Variants in DMD observed in about 807,000 individuals in gnomAD.
DMD encodes mutant dystrophin.
In DMD, 63 loss-of-function variants were observed where a neutral mutation model predicts 330.1. That is an observed-to-expected ratio of 0.19 (90% CI 0.16 to 0.24). The LOEUF (loss-of-function observed/expected upper bound fraction) is 0.24. Ranked by LOEUF, DMD falls within the 10% of genes least tolerant of loss-of-function variation. The pLI, the probability that DMD is intolerant of heterozygous loss-of-function variation, is 1.00. For synonymous variants in DMD, 1,223 were observed against 959.8 expected, an observed-to-expected ratio of 1.27 and a Z score of -5.07; for missense variants, 3,344 against 2,684.1, an observed-to-expected ratio of 1.25 and a Z score of -5.43.
chrX:33,317,812 A>G (rs2053954534), intron 1 of DMD, among the ~76,000 whole-genome samples: 1 of 111,696 alleles, frequency 9.0e-6, no homozygotes, highest in Admixed American at 9.5e-5. Context: ...AGAGTCAGAT[A>G]AATTTGATTA....
intron 47 of DMD, among the ~76,000 whole-genome samples, chrX:31,919,717 A>C (rs1159545877): frequency 8.9e-6 from 1 of 112,471 alleles, no homozygotes; most frequent in Non-Finnish European, 1.9e-5. Context: ...AATGTCTTGT[A>C]ATTGGTTCTA....
chrX:33,136,918 A>G (rs908863494), intron 1 of DMD, among the ~76,000 whole-genome samples: 2 of 111,183 alleles, frequency 1.8e-5, no homozygotes, highest in African/African-American at 6.5e-5. Flanking sequence ...TATAGAAAAG[A>G]TATTTCTACA....
rs138435197 is a variant in DMD at position 33,324,331 on chromosome X, T to C, written c.7+14928A>G. On this transcript the variant is annotated intron_variant, in intron 1 of 17. Coordinates refer to the DMD transcript ENST00000288447. The stretch of plus-strand genomic sequence containing the variant: ...CACTAGGAGAATGATTTGTCTCACC[T>C]GAGAAGCAAGAAAGGTAGGGTAGTT... Among the ~76,000 whole-genome samples, 125 of 111,183 alleles carry C rather than the reference T, an allele frequency of 1.1e-3. 4 individuals carry two copies. In the East Asian group the frequency reaches 0.031, roughly 27 times the overall value.
chrX:33,238,118 C>T (rs1017403125), intron 1 of DMD, among the ~76,000 whole-genome samples: 1 of 112,118 alleles, frequency 8.9e-6, no homozygotes, highest in Non-Finnish European at 1.9e-5. Context: ...TATGGTGTGC[C>T]ACTTGGAAAG....
chrX:32,252,825 T>TATATATAAATATATATAA (rs1412088813), intron 43 of DMD, among the ~76,000 whole-genome samples: 5 of 62,820 alleles, frequency 8.0e-5, no homozygotes, highest in South Asian at 6.2e-4. Context: ...AGTATATAAA[T>TATATATAAATATATATAA]ATATATAAAT....
At chrX:32,492,294 C>T (rs997898577) in intron 19 of DMD, among the ~76,000 whole-genome samples, 11 of 112,246 alleles carry the variant, frequency 9.8e-5, no homozygotes, top group Admixed American at 5.6e-4. Flanking sequence ...GCGGAGATCG[C>T]GCCACTGCAC....
At chrX:32,645,886 G>A (rs932233413) in intron 9 of DMD, among the ~76,000 whole-genome samples, 2 of 112,152 alleles carry the variant, frequency 1.8e-5, no homozygotes, top group Admixed American at 9.5e-5. Flanking sequence ...AGAGCAAAGT[G>A]TACGAAGCAT....
At chrX:32,512,944 C>A (rs755466152) in intron 18 of DMD, among the ~76,000 whole-genome samples, 1 of 111,503 alleles carries the variant, frequency 9.0e-6, no homozygotes, top group Non-Finnish European at 1.9e-5. Flanking sequence ...AAATTTTTAT[C>A]TAGATGGCAG....
At chrX:31,542,196 G>A (rs965044469) in intron 55 of DMD, among the ~76,000 whole-genome samples, 2 of 112,004 alleles carry the variant, frequency 1.8e-5, no homozygotes, top group Non-Finnish European at 3.8e-5. Flanking sequence ...TGGGGACATA[G>A]ATGAGTAGCA....
At chrX:31,616,327 T>TG (rs2078198054) in intron 55 of DMD, among the ~76,000 whole-genome samples, 1 of 110,681 alleles carries the variant, frequency 9.0e-6, no homozygotes, top group African/African-American at 3.3e-5. Flanking sequence ...TAAGCTTAGA[T>TG]GAAAAAAAGG....
chrX:32,658,822 T>A (rs1475462371), intron 9 of DMD, among the ~76,000 whole-genome samples: 2 of 111,779 alleles, frequency 1.8e-5, no homozygotes, highest in Non-Finnish European at 3.8e-5. Context: ...AAACTTTAAG[T>A]CGGCCTCACT....
intron 62 of DMD, among the ~76,000 whole-genome samples, chrX:31,262,171 T>C (rs374274565): frequency 8.9e-6 from 1 of 112,379 alleles, no homozygotes; most frequent in African/African-American, 3.2e-5. Flanking sequence ...TTAGTTGAAA[T>C]AGGTAAGTGA....
At chrX:31,507,512 T>C in intron 55 of DMD, 59 bp from the exon 56 acceptor site, 2 of 1,081,034 alleles carry the variant, frequency 1.9e-6, no homozygotes, top group Non-Finnish European at 2.5e-6. Context: ...AAACAAGCGA[T>C]GAATGTGAAT....
chrX:33,128,334 G>C, intron 1 of DMD: 2 of 1,027,715 alleles, frequency 1.9e-6, no homozygotes, highest in Non-Finnish European at 2.5e-6. Context: ...CCTCACAAAA[G>C]CAGACAAACA....
chrX:32,490,097 G>C (rs1440135423), intron 20 of DMD, among the ~76,000 whole-genome samples: 3 of 110,759 alleles, frequency 2.7e-5, no homozygotes, highest in Non-Finnish European at 3.8e-5. Context: ...TCACTTTTTG[G>C]GTCCAATACC....
intron 10 of DMD, among the ~76,000 whole-genome samples, chrX:32,644,699 A>G (rs1055591090): frequency 1.8e-5 from 2 of 110,628 alleles, no homozygotes; most frequent in African/African-American, 6.6e-5. Context: ...ACATCAACTC[A>G]GGAATGTAAG....
At chrX:33,118,830 C>T (rs1002119791) in intron 1 of DMD, among the ~76,000 whole-genome samples, 2 of 111,562 alleles carry the variant, frequency 1.8e-5, no homozygotes, top group Non-Finnish European at 3.8e-5. Context: ...TCACCCTCAA[C>T]TTTTACTCCA....
chrX:32,693,419 T>G (rs139571302), intron 9 of DMD, among the ~76,000 whole-genome samples: 1 of 111,791 alleles, frequency 8.9e-6, no homozygotes, highest in East Asian at 2.8e-4. Context: ...AGAAGTATGT[T>G]TTTGTCCCTG....
At chrX:32,916,730 G>A (rs745626837) in intron 2 of DMD, among the ~76,000 whole-genome samples, 3 of 111,633 alleles carry the variant, frequency 2.7e-5, no homozygotes, top group East Asian at 2.8e-4. Flanking sequence ...TATTGGACAT[G>A]TGATCTTTGT....
Sources: allele counts gnomAD v4.1 joint callset (sites outside exome capture counted in the v4.1 genomes callset), GRCh38; gene constraint gnomAD v4.1.1; transcripts MANE v1.5; gene names NCBI Gene and HGNC (gene_info 2026-07-23, HGNC 2026-07-21).